DAB2IP: variants seen among roughly 807,000 people sequenced by gnomAD.
DAB2IP encodes DAB2 interacting protein.
A neutral mutation model predicts 107.2 loss-of-function variants in DAB2IP; 28 were observed. That is an observed-to-expected ratio of 0.26 (90% CI 0.19 to 0.36). DAB2IP has a LOEUF of 0.36. Among genes scored for constraint, DAB2IP ranks in the 10% least tolerant of loss-of-function variants. The pLI is 1.00. For synonymous variants in DAB2IP, 755 were observed against 706.4 expected (o/e 1.07, Z -1.09); for missense variants, 1,400 against 1,644.7 (o/e 0.85, Z 2.57).
chr9:121,630,766 C>A (rs1377612719), intron 1 of DAB2IP, among the ~76,000 whole-genome samples: 1 of 151,834 alleles, frequency 6.6e-6, no homozygotes, highest in East Asian at 2.0e-4. Flanking sequence ...CACCACTACA[C>A]CCAGCTAATT....
intron 3 of DAB2IP, among the ~76,000 whole-genome samples, chr9:121,752,661 G>A (rs1424397347): frequency 1.3e-5 from 2 of 152,264 alleles, no homozygotes; most frequent in Non-Finnish European, 2.9e-5. Context: ...GCAGGCCGCT[G>A]CGAGAGTGGG....
At chr9:121,697,415 C>T (rs1829480988) in intron 2 of DAB2IP, among the ~76,000 whole-genome samples, 1 of 152,186 alleles carries the variant, frequency 6.6e-6, no homozygotes, top group Non-Finnish European at 1.5e-5. Context: ...CCAAATTAGC[C>T]AGGTGCAGCC....
intron 3 of DAB2IP, among the ~76,000 whole-genome samples, chr9:121,707,816 C>G (rs1425199914): frequency 1.3e-5 from 2 of 152,328 alleles, no homozygotes; most frequent in African/African-American, 4.8e-5. Flanking sequence ...TCAACAATTA[C>G]TGTTTCTGGC....
At chr9:121,714,215 C>T (rs1051302849) in intron 3 of DAB2IP, among the ~76,000 whole-genome samples, 1 of 152,190 alleles carries the variant, frequency 6.6e-6, no homozygotes, top group African/African-American at 2.4e-5. Context: ...TGGCCCAAGA[C>T]ACATGAAGTG....
chr9:121,736,958 G>C lies in DAB2IP; in HGVS notation c.363-20055G>C, dbSNP rs1474402169. Among the ~76,000 whole-genome samples the C allele has an allele frequency of 6.6e-6, 1 of 152,220 alleles. No homozygotes were observed. The highest frequency in any genetic ancestry group is 1.5e-5 in the Non-Finnish European group (1 of 68,038). The stretch of plus-strand genomic sequence containing the variant: ...GAAGCAGGGTGATAACTTGGGAGGT[G>C]GGAGTTGCCCCTTTAGCTAGAGAGA... On this transcript the variant is annotated intron_variant, in intron 3 of 15. Coordinates refer to ENST00000408936, the Ensembl canonical transcript of DAB2IP. The surrounding 1 kb of genome is among the most constrained non-coding windows in gnomAD (Gnocchi z 4.6).
chr9:121,641,787 C>A (rs1480890064), intron 1 of DAB2IP, among the ~76,000 whole-genome samples: 2 of 151,864 alleles, frequency 1.3e-5, no homozygotes, highest in East Asian at 3.9e-4. Flanking sequence ...TGCCTGCCTG[C>A]CTGCCTGCCT....
At chr9:121,761,485 G>A (rs915935492) in intron 6 of DAB2IP, among the ~76,000 whole-genome samples, 3 of 152,192 alleles carry the variant, frequency 2.0e-5, no homozygotes, top group African/African-American at 4.8e-5. Context: ...AGAGTCCAGG[G>A]CACAAGACTC....
intron 1 of DAB2IP, among the ~76,000 whole-genome samples, chr9:121,582,453 C>A (rs372707489): frequency 9.2e-5 from 14 of 152,154 alleles, no homozygotes; most frequent in African/African-American, 3.1e-4. Context: ...CCCATTTTCA[C>A]TGTCTCCTCA....
chr9:121,687,400 G>A (rs548650776), intron 2 of DAB2IP, among the ~76,000 whole-genome samples: 29 of 152,202 alleles, frequency 1.9e-4, no homozygotes, highest in Non-Finnish European at 3.8e-4. Flanking sequence ...CATGTGATCT[G>A]TCAGGCAGGG....
Position 121,665,865 on chromosome 9 carries a change from G to C in DAB2IP, c.125-12813G>C, listed in dbSNP as rs140041505. The stretch of plus-strand genomic sequence containing the variant: ...GAAATTCCATAGTCCTGAATCAGAC[G>C]ATGATCTGAACCTGTATCTCTCTAT... On this transcript the variant is annotated intron_variant, in intron 1 of 15. Transcript: ENST00000408936. Among the ~76,000 whole-genome samples the C allele has an allele frequency of 3.7e-3, 566 of 152,294 alleles. 2 individuals carry two copies. Among genetic ancestry groups the C allele is most frequent in the African/African-American group, 0.013 (538 of 41,560 alleles).
chr9:121,647,249 A>G (rs1346903741), upstream of DAB2IP, among the ~76,000 whole-genome samples: 3 of 152,192 alleles, frequency 2.0e-5, no homozygotes, highest in African/African-American at 7.2e-5. Context: ...ATGGCCCATC[A>G]ATGAAGGCTG....
intron 1 of DAB2IP, chr9:121,567,266 C>T (rs1589363509): frequency 1.2e-6 from 2 of 1,613,740 alleles, no homozygotes; most frequent in Non-Finnish European, 1.7e-6. Flanking sequence ...TTGGGGGTTT[C>T]AGCCTCTCTG....
chr9:121,705,863 G>A (rs1830035206), intron 3 of DAB2IP, among the ~76,000 whole-genome samples: 1 of 152,168 alleles, frequency 6.6e-6, no homozygotes, highest in African/African-American at 2.4e-5. Flanking sequence ...ACTCTTTAAT[G>A]GAATTCCTTT....
rs1835720036 is a variant in DAB2IP, at chr9:121,782,270, G to A, written c.3403-61G>A. 1.3e-5 allele frequency: 21 copies of A among 1,568,206 alleles called. No individual in the cohort carries two copies. The highest frequency in any genetic ancestry group is 1.7e-4 in the Middle Eastern group (1 of 5,802). On this transcript the variant is annotated intron_variant, in intron 15 of 15. Transcript: ENST00000408936. The surrounding 1 kb of genome is among the most constrained non-coding windows in gnomAD (Gnocchi z 6.1). The stretch of plus-strand genomic sequence containing the variant: ...ACCCCCTTCCCCGATGCTTGTCGTA[G>A]GTATACACAGCCCTAAGGAGCCTGT...
At chr9:121,606,113 C>A (rs758812386) in intron 1 of DAB2IP, among the ~76,000 whole-genome samples, 2 of 151,902 alleles carry the variant, frequency 1.3e-5, no homozygotes, top group African/African-American at 4.8e-5. Flanking sequence ...GAAGCCAAGG[C>A]GGGGGATCAC....
chr9:121,617,815 G>T, intron 1 of DAB2IP, among the ~76,000 whole-genome samples: 1 of 152,340 alleles, frequency 6.6e-6, no homozygotes, highest in Admixed American at 6.5e-5. Context: ...GAGCCTGAAT[G>T]GGGGGTCAGG....
At chr9:121,567,827 T>C (rs531564309) in intron 1 of DAB2IP, among the ~76,000 whole-genome samples, 1 of 152,188 alleles carries the variant, frequency 6.6e-6, no homozygotes, top group African/African-American at 2.4e-5. Flanking sequence ...AAGGGTTCCT[T>C]CGTGGTGGTT....
In DAB2IP at chr9:121,760,133, C is replaced by T; in HGVS notation, c.864C>T (p.Asn288=). Residue 288 remains asparagine (N), a synonymous_variant, in exon 6 of 16, where the codon AAC becomes AAT. Transcript: ENST00000408936. The surrounding 1 kb of genome is among the most constrained non-coding windows in gnomAD (Gnocchi z 5.9). ...ACAAGAAGAAGAAGAAGGAGCGCAA[C>T]AGTTACCTGGGCCTGGTGAGCCTAC... 6.2e-7 allele frequency: 1 copy of T among 1,613,942 alleles called. No individual in the cohort carries two copies.
chr9:121,635,126 AG>A lies in DAB2IP; in HGVS notation c.41-43550del, dbSNP rs375044170. Reference sequence around the variant, plus strand: ...GGCTATGGAGTGGAGGGGGCTGGAGAGGCCAGGCCTCCGTGTGGCCGGTCAA... The same window carrying A: ...GGCTATGGAGTGGAGGGGGCTGGAGAGCCAGGCCTCCGTGTGGCCGGTCAA... On this transcript the variant is annotated intron_variant, in intron 1 of 16. Coordinates refer to the DAB2IP transcript ENST00000259371. The surrounding 1 kb of genome is among the most constrained non-coding windows in gnomAD (Gnocchi z 4.3). 2.0e-4 allele frequency among the ~76,000 whole-genome samples: 30 copies of A among 152,230 alleles called. No homozygotes were observed. The highest frequency in any genetic ancestry group is 7.2e-4 in the African/African-American group (30 of 41,532).
Sources: allele counts gnomAD v4.1 joint callset (sites outside exome capture counted in the v4.1 genomes callset), GRCh38; gene constraint gnomAD v4.1.1; non-coding constraint Gnocchi (gnomAD v3.1); transcripts MANE v1.5; gene names NCBI Gene and HGNC (gene_info 2026-07-23, HGNC 2026-07-21).